The following ARL15 variants were observed in gnomAD, a reference collection of about 807,000 sequenced individuals.
ARL15 encodes ARF like GTPase 15, also known as ADP-ribosylation factor-like protein 15.
A neutral mutation model predicts 25.2 loss-of-function variants in ARL15; 19 were observed. The ratio of observed to expected loss-of-function variants is 0.75; its 90% CI spans 0.53 to 1.10. The LOEUF is 1.10. Ranked by LOEUF, ARL15 falls within the 50% of genes least tolerant of loss-of-function variation. ARL15 has a pLI of 0.00. For missense variants in ARL15, 220 were observed against 246.0 expected (o/e 0.89, Z 0.71); for synonymous variants, 94 against 86.8 (o/e 1.08, Z -0.46).
chr5:53,983,211 C>A (rs1461466185), intron 4 of ARL15, among the ~76,000 whole-genome samples: 1 of 152,012 alleles, frequency 6.6e-6, no homozygotes, highest in Non-Finnish European at 1.5e-5. Context: ...TGTTGTTTAT[C>A]CAATTTCTAG....
At chr5:54,133,478 G>A (rs564696254) in intron 3 of ARL15, among the ~76,000 whole-genome samples, 2 of 152,252 alleles carry the variant, frequency 1.3e-5, no homozygotes, top group Admixed American at 1.3e-4. Context: ...GGCCAAATAC[G>A]TGATTTGTCC....
intron 1 of ARL15, among the ~76,000 whole-genome samples, chr5:54,271,801 CT>C (rs1406224557): frequency 6.6e-6 from 1 of 152,120 alleles, no homozygotes; most frequent in Admixed American, 6.6e-5. Flanking sequence ...CATTAAGTCA[CT>C]GTTTAAATAA....
intron 4 of ARL15, among the ~76,000 whole-genome samples, chr5:54,076,015 T>C (rs1400684838): frequency 6.6e-6 from 1 of 152,186 alleles, no homozygotes; most frequent in Non-Finnish European, 1.5e-5. Context: ...TGAATAAGTG[T>C]GTGTGCATGT....
chr5:54,183,801 G>C (rs1295571148), intron 1 of ARL15, among the ~76,000 whole-genome samples: 1 of 151,422 alleles, frequency 6.6e-6, no homozygotes, highest in African/African-American at 2.4e-5. Context: ...ACATGCACAC[G>C]TATGTTTATT....
chr5:54,240,144 A>G (rs1409800050), intron 1 of ARL15, among the ~76,000 whole-genome samples: 13 of 151,490 alleles, frequency 8.6e-5, no homozygotes, highest in African/African-American at 1.7e-4. Context: ...GGAGAATGGC[A>G]TGAACCCGGG....
At position 54,222,399 on chromosome 5, in the gene ARL15, C is replaced by T. The variant is rs151176533; in HGVS notation, c.49-50471G>A. Among the ~76,000 whole-genome samples the T allele has an allele frequency of 3.3e-3, 505 of 152,252 alleles. 3 individuals carry two copies. Among genetic ancestry groups the T allele is most frequent in the African/African-American group, 0.011 (474 of 41,544 alleles). On this transcript the variant is annotated intron_variant, in intron 1 of 4. Transcript: ENST00000504924. ...GCTAGGACTCACCACATAAAAAACA[C>T]AACACAACAAAAAACAAACAAGCAA... is the stretch of plus-strand genomic sequence containing the variant.
intron 4 of ARL15, among the ~76,000 whole-genome samples, chr5:53,891,217 G>A (rs1281487958): frequency 6.6e-6 from 1 of 152,158 alleles, no homozygotes; most frequent in African/African-American, 2.4e-5. Context: ...TAGTTTTCCT[G>A]TAAGCATTCT....
chr5:54,292,324 T>C (rs1758354918), intron 1 of ARL15, among the ~76,000 whole-genome samples: 1 of 152,086 alleles, frequency 6.6e-6, no homozygotes, highest in South Asian at 2.1e-4. Flanking sequence ...AGGGAACAGA[T>C]ATGTGGAGGT....
intron 1 of ARL15, among the ~76,000 whole-genome samples, chr5:54,299,363 G>T (rs1429607335): frequency 1.3e-5 from 2 of 152,116 alleles, no homozygotes; most frequent in Admixed American, 6.5e-5. Context: ...CATCTAAGTG[G>T]TTGCAAATGT....
chr5:54,260,326 A>G (rs550026797), intron 1 of ARL15, among the ~76,000 whole-genome samples: 1 of 152,328 alleles, frequency 6.6e-6, no homozygotes, highest in East Asian at 1.9e-4. Context: ...TCCTTCAACC[A>G]TTATCATAAC....
chr5:54,028,114 G>T (rs1749844507), intron 4 of ARL15, among the ~76,000 whole-genome samples: 1 of 151,806 alleles, frequency 6.6e-6, no homozygotes, highest in Non-Finnish European at 1.5e-5. Context: ...GTAAAGACGG[G>T]GTTTCACCAT....
At chr5:53,996,132 GC>G (rs1748661957) in intron 4 of ARL15, among the ~76,000 whole-genome samples, 1 of 152,132 alleles carries the variant, frequency 6.6e-6, no homozygotes, top group Non-Finnish European at 1.5e-5. Context: ...AGATGGGTGA[GC>G]AAAAAACCCA....
rs534638732 is a variant in ARL15, at chr5:54,053,012, A to G, written c.462+60190T>C. Reference sequence around the variant, plus strand: ...ACAACGATGAGGCTATGTCAAAGGGACGTAGGAGCTAATTAAAAGAACATC... The same window carrying G: ...ACAACGATGAGGCTATGTCAAAGGGGCGTAGGAGCTAATTAAAAGAACATC... On this transcript the variant is annotated intron_variant, in intron 4 of 4. Transcript: ENST00000504924. 3.3e-5 allele frequency among the ~76,000 whole-genome samples: 5 copies of G among 152,336 alleles called. No homozygotes were observed. The South Asian group carries it at 1.0e-3, about 32-fold the overall frequency.
chr5:53,900,980 C>A (rs989004222), intron 4 of ARL15, among the ~76,000 whole-genome samples: 1 of 152,188 alleles, frequency 6.6e-6, no homozygotes, highest in Non-Finnish European at 1.5e-5. Flanking sequence ...CCAAACAAAG[C>A]ATCTAATTCT....
At chr5:53,900,139 C>A (rs756733664) in intron 4 of ARL15, among the ~76,000 whole-genome samples, 41 of 152,084 alleles carry the variant, frequency 2.7e-4, no homozygotes, top group Non-Finnish European at 4.9e-4. Flanking sequence ...TGAAATATCC[C>A]CTGCTAGTGT....
chr5:53,895,808 T>G (rs1270162288), intron 4 of ARL15, among the ~76,000 whole-genome samples: 1 of 152,198 alleles, frequency 6.6e-6, no homozygotes, highest in Non-Finnish European at 1.5e-5. Flanking sequence ...GTTTAATATA[T>G]TCAGTTTTCT....
chr5:53,948,025 T>C (rs1212217482), intron 4 of ARL15, among the ~76,000 whole-genome samples: 1 of 151,550 alleles, frequency 6.6e-6, no homozygotes, highest in Non-Finnish European at 1.5e-5. Context: ...AAAAGGGAGG[T>C]TGCAGAAGGA....
At chr5:54,258,904 A>C (rs1379531060) in intron 1 of ARL15, among the ~76,000 whole-genome samples, 1 of 152,178 alleles carries the variant, frequency 6.6e-6, no homozygotes, top group Non-Finnish European at 1.5e-5. Context: ...TGGTTGCCTC[A>C]GGCTCTGTAA....
At chr5:53,952,220 C>T (rs934070993) in intron 4 of ARL15, among the ~76,000 whole-genome samples, 3 of 152,042 alleles carry the variant, frequency 2.0e-5, no homozygotes, top group African/African-American at 7.2e-5. Flanking sequence ...TGAGATCACG[C>T]CACTGCACTT....
Sources: gnomAD v4.1 joint callset for allele counts (sites outside exome capture counted in the v4.1 genomes callset) on GRCh38, gnomAD v4.1.1 for gene constraint, MANE v1.5 for transcripts, NCBI Gene and HGNC (gene_info 2026-07-23, HGNC 2026-07-21) for gene names.